FBH1: variants seen among roughly 807,000 people sequenced by gnomAD.
FBH1 encodes the protein DNA 3'-5' helicase 1.
Under a neutral mutation model 115.5 loss-of-function variants are expected in FBH1, and 43 were observed. The ratio of observed to expected loss-of-function variants is 0.37; its 90% CI spans 0.29 to 0.48. FBH1 has a LOEUF of 0.48. Among genes scored for constraint, FBH1 ranks in the 20% least tolerant of loss-of-function variants. FBH1 has a pLI of 0.99. For missense variants in FBH1, 1,001 were observed against 1,337.3 expected (o/e 0.75, Z 3.92); for synonymous variants, 524 against 507.8 (o/e 1.03, Z -0.43).
At chr10:5,912,442 G>A (rs1831655853) in intron 6 of FBH1, among the ~76,000 whole-genome samples, 1 of 151,460 alleles carries the variant, frequency 6.6e-6, no homozygotes, top group South Asian at 2.1e-4. Flanking sequence ...CTGGAGTGAT[G>A]GGGACAGGTA....
At position 5,895,044 on chromosome 10, in the gene FBH1, C is replaced by G; in HGVS notation, c.1+4698C>G. 6.2e-7 allele frequency: 1 copy of G among 1,608,324 alleles called. No individual in the cohort carries two copies. The highest frequency in any genetic ancestry group is 8.5e-7 in the Non-Finnish European group (1 of 1,176,420). On this transcript the variant is annotated intron_variant, in intron 1 of 20. Transcript: ENST00000362091. The surrounding 1 kb of genome is among the most constrained non-coding windows in gnomAD (Gnocchi z 5.0). ...AGTTAACTGTTGAAATTGGGCCATT[C>G]CCGTTTCACAGGCTGCCATTGGACC...
In FBH1 at chr10:5,904,222, A is replaced by G. The variant is rs1225793931; in HGVS notation, c.157+1047A>G. On this transcript the variant is annotated intron_variant, in intron 2 of 20. Coordinates refer to ENST00000362091, the MANE Select transcript of FBH1 (RefSeq NM_178150.3). ...AATTTTTGTATTTTTTTGTAGAGAC[A>G]GGGTTTTGCTACGTTGCCCAGGCTG... 4.6e-5 allele frequency among the ~76,000 whole-genome samples: 7 copies of G among 151,910 alleles called. No homozygotes were observed. In the East Asian group the frequency reaches 1.2e-3, roughly 25 times the overall value.
intron 1 of FBH1, among the ~76,000 whole-genome samples, chr10:5,893,570 C>T (rs77618029): frequency 0.036 from 5,418 of 152,252 alleles, 190 homozygotes; most frequent in East Asian, 0.15. Flanking sequence ...TGTTTCCTTC[C>T]GCCTTACTGA....
Position 5,913,774 on chromosome 10 carries a change from A to C in FBH1, c.1239A>C (p.Leu413=), listed in dbSNP as rs754564281. Residue 413 remains leucine (L), a synonymous_variant, in exon 7 of 21, where the codon CTA becomes CTC. Transcript: ENST00000362091. The surrounding 1 kb of genome is among the most constrained non-coding windows in gnomAD (Gnocchi z 4.4). ...NRIHYNIFYC[L]YLQENSCTQA... ...TTCACTACAACATTTTCTATTGCCT[A>C]TATCTTCAGGAGAATTCCTGCACTC... 8 of 1,578,214 alleles carry C rather than the reference A, an allele frequency of 5.1e-6. No homozygotes were observed. The highest frequency in any genetic ancestry group is 6.0e-6 in the Non-Finnish European group (7 of 1,170,524).
At position 5,918,211 on chromosome 10, in the gene FBH1, C is replaced by A; in HGVS notation, c.1964-131C>A. The A allele has an allele frequency of 9.7e-7, 1 of 1,029,132 alleles. No homozygotes were observed. The highest frequency in any genetic ancestry group is 1.5e-5 in the South Asian group (1 of 65,608). The allele number at this position is 1,029,132 out of a possible 1,614,324, so 63.8% of individuals were successfully genotyped here. A position where few individuals can be genotyped will look rare whatever the true frequency, so the allele number is the denominator to read the frequency against. ...GCTGCTTTTGATGGAGTGTGCCTGT[C>A]CTACAGGAAAAGGCGACCGTGAGGT... is the stretch of plus-strand genomic sequence containing the variant. On this transcript the variant is annotated intron_variant, in intron 12 of 20. Coordinates refer to ENST00000362091, the MANE Select transcript of FBH1 (RefSeq NM_178150.3). The surrounding 1 kb of genome is among the most constrained non-coding windows in gnomAD (Gnocchi z 4.0).
rs531678006 is a variant in FBH1, at chr10:5,924,089, G to T, written c.2399-222G>T. On this transcript the variant is annotated intron_variant, in intron 16 of 20. Transcript: ENST00000362091. This position sits in a 1 kb window ranked among gnomAD's most constrained non-coding sequence, Gnocchi z 6.2. The stretch of plus-strand genomic sequence containing the variant: ...TCCCTGTGAAGTAGGTGAGGATCTT[G>T]AGCCGAGGGCTTTGCTCCTCAGTCG... The T allele has an allele frequency of 4.2e-5, 25 of 592,270 alleles. No individual in the cohort carries two copies. Among genetic ancestry groups the T allele is most frequent in the Middle Eastern group, 4.5e-4 (1 of 2,204 alleles). The allele number at this position is 592,270 out of a possible 1,614,324, so 36.7% of individuals were successfully genotyped here. A position where few individuals can be genotyped will look rare whatever the true frequency, so the allele number is the denominator to read the frequency against.
rs1375236671 is a variant in FBH1 at position 5,925,160 on chromosome 10, C to G, written c.2597-207C>G. On this transcript the variant is annotated intron_variant, in intron 17 of 20. Coordinates refer to ENST00000362091, the MANE Select transcript of FBH1 (RefSeq NM_178150.3). The surrounding 1 kb of genome is among the most constrained non-coding windows in gnomAD (Gnocchi z 4.6). ...CGTTAACTCTCCTGCAACTAATTTT[C>G]GACTTTTCCCCTCGTCTTTTTCTTT... 1.7e-6 allele frequency: 1 copy of G among 586,584 alleles called. No homozygotes were observed. Among genetic ancestry groups the G allele is most frequent in the Non-Finnish European group, 2.9e-6 (1 of 343,856 alleles). The allele number at this position is 586,584 out of a possible 1,614,324, so 36.3% of individuals were successfully genotyped here.
chr10:5,921,723 C>G lies in FBH1; in HGVS notation c.2322+154C>G, dbSNP rs1832328823. Among the ~76,000 whole-genome samples, 1 of 152,148 alleles carries G rather than the reference C, an allele frequency of 6.6e-6. No homozygotes were observed. On this transcript the variant is annotated intron_variant, in intron 15 of 20. Transcript: ENST00000362091. The surrounding 1 kb of genome is among the most constrained non-coding windows in gnomAD (Gnocchi z 6.4). Reference sequence around the variant, plus strand: ...GGCTGCACCATGAGTGGTCTCTATCCCAGGCCATTCTGATTATGCCAGCGA... The same window carrying G: ...GGCTGCACCATGAGTGGTCTCTATCGCAGGCCATTCTGATTATGCCAGCGA...
At chr10:5,916,101 T>G in intron 9 of FBH1, 133 bp from the exon 10 acceptor site, 1 of 795,596 alleles carries the variant, frequency 1.3e-6, no homozygotes, top group East Asian at 2.6e-5. Flanking sequence ...ACTTTTTCGC[T>G]TTAAAACATT....
chr10:5,903,173 G>A lies in FBH1; in HGVS notation c.155G>A (p.Arg52Lys). Residue 52 changes from arginine to lysine, a missense_variant and splice_region_variant, in exon 2 of 21, where the codon AGG becomes AAG. Transcript: ENST00000362091. Reference sequence around the variant, plus strand: ...AAACCGAGAACAAAAAGAGGGAGTAGGGGTATGTCTCCTCTAAAACTCTTG... The same window carrying A: ...AAACCGAGAACAAAAAGAGGGAGTAAGGGTATGTCTCCTCTAAAACTCTTG... ...YPKPRTKRGSRGQGSQRCIPE... is the reference protein window; with the variant it reads ...YPKPRTKRGSKGQGSQRCIPE... 1.9e-6 allele frequency: 3 copies of A among 1,606,180 alleles called. No individual in the cohort carries two copies. Among genetic ancestry groups the A allele is most frequent in the Non-Finnish European group, 2.6e-6 (3 of 1,176,036 alleles).
chr10:5,906,042 G>A lies in FBH1; in HGVS notation c.163G>A (p.Gly55Arg). 1.2e-6 allele frequency: 2 copies of A among 1,606,418 alleles called. No individual in the cohort carries two copies. The highest frequency in any genetic ancestry group is 1.1e-5 in the South Asian group (1 of 90,922). ...TGTTTGGGTTCTCTCTACAGGTCAG[G>A]GAAGTCAAAGATGCATCCCTGAGTT... The part of the protein sequence containing the change: ...PRTKRGSRGQ[G>R]SQRCIPEFFL... The change falls in exon 3 of 21, where the codon GGA (glycine) becomes AGA (arginine). Residue 55 changes from glycine to arginine, a missense_variant. By Grantham distance (125) the Gly-to-Arg change is moderately radical. Transcript: ENST00000362091. This position sits in a 1 kb window ranked among gnomAD's most constrained non-coding sequence, Gnocchi z 7.3.
At position 5,895,167 on chromosome 10, in the gene FBH1, T is replaced by G. The variant is rs746215865; in HGVS notation, c.1+4821T>G. The G allele has an allele frequency of 5.0e-6, 8 of 1,613,644 alleles. No homozygotes were observed. The highest frequency in any genetic ancestry group is 6.8e-6 in the Non-Finnish European group (8 of 1,179,820). On this transcript the variant is annotated intron_variant, in intron 1 of 20. Coordinates refer to ENST00000362091, the MANE Select transcript of FBH1 (RefSeq NM_178150.3). This position sits in a 1 kb window ranked among gnomAD's most constrained non-coding sequence, Gnocchi z 5.0. The stretch of plus-strand genomic sequence containing the variant: ...CAGAGGACGAGTGCCCACTTGCTGG[T>G]CTTCACAGAGCACGCTGAAAGTAAG...
chr10:5,892,231 C>G (rs1015288310), intron 1 of FBH1, among the ~76,000 whole-genome samples: 1 of 152,156 alleles, frequency 6.6e-6, no homozygotes, highest in Non-Finnish European at 1.5e-5. Context: ...CACATGTAGT[C>G]GTCATTGGCA....
chr10:5,906,675 C>A lies in FBH1; in HGVS notation c.753+43C>A. 6.7e-7 allele frequency: 1 copy of A among 1,492,546 alleles called. No homozygotes were observed. The highest frequency in any genetic ancestry group is 9.1e-7 in the Non-Finnish European group (1 of 1,099,364). The allele number at this position is 1,492,546 out of a possible 1,614,324, so 92.5% of individuals were successfully genotyped here. A position where few individuals can be genotyped will look rare whatever the true frequency, so the allele number is the denominator to read the frequency against. On this transcript the variant is annotated intron_variant, in intron 3 of 20. Coordinates refer to ENST00000362091, the MANE Select transcript of FBH1 (RefSeq NM_178150.3). The surrounding 1 kb of genome is among the most constrained non-coding windows in gnomAD (Gnocchi z 7.3). ...TCGGGAGATGTTTCCTCTAAAAGCA[C>A]GTAACTTTGCTTAATGCACGCTTAT...
chr10:5,904,991 ACTT>A (rs1843609721), intron 2 of FBH1, among the ~76,000 whole-genome samples: 1 of 152,208 alleles, frequency 6.6e-6, no homozygotes, highest in African/African-American at 2.4e-5. Flanking sequence ...TAAAGTGTTT[ACTT>A]CTTTGGCATT....
In FBH1 at chr10:5,911,798, T is replaced by G. The variant is rs1466985406; in HGVS notation, c.1211+670T>G. Among the ~76,000 whole-genome samples the G allele has an allele frequency of 6.6e-6, 1 of 152,092 alleles. No individual in the cohort carries two copies. Among genetic ancestry groups the G allele is most frequent in the African/African-American group, 2.4e-5 (1 of 41,406 alleles). On this transcript the variant is annotated intron_variant, in intron 6 of 20. Transcript: ENST00000362091. The surrounding 1 kb of genome is among the most constrained non-coding windows in gnomAD (Gnocchi z 5.4). ...TTGCAGAGAAAATAGAACAGAGAGCTGTGGGGTGAATGCTGCTTTAGAGGG... is the reference window on the plus strand; with the variant it reads ...TTGCAGAGAAAATAGAACAGAGAGCGGTGGGGTGAATGCTGCTTTAGAGGG...
Position 5,918,326 on chromosome 10 carries a change from C to T in FBH1, c.1964-16C>T, listed in dbSNP as rs1239955736. Reference sequence around the variant, plus strand: ...GAGGCCTCAAGGTTTCTCACTTTTCCTCTCGTTGGTTACAGCTATCATGAA... The same window carrying T: ...GAGGCCTCAAGGTTTCTCACTTTTCTTCTCGTTGGTTACAGCTATCATGAA... On this transcript the variant is annotated splice_polypyrimidine_tract_variant and intron_variant, in intron 12 of 20. Coordinates refer to ENST00000362091, the MANE Select transcript of FBH1 (RefSeq NM_178150.3). The surrounding 1 kb of genome is among the most constrained non-coding windows in gnomAD (Gnocchi z 4.0). 8 of 1,605,594 alleles carry T rather than the reference C, an allele frequency of 5.0e-6. No individual in the cohort carries two copies. The East Asian group carries it at 1.6e-4, about 31-fold the overall frequency.
Position 5,923,772 on chromosome 10 carries a change from C to A in FBH1, c.2398+76C>A. The stretch of plus-strand genomic sequence containing the variant: ...GGGACGAGAAAGAAGCAGGCCCAGT[C>A]TGAGTCAGGGACCCGTTTCCCTCCA... On this transcript the variant is annotated intron_variant, in intron 16 of 20. Transcript: ENST00000362091. The surrounding 1 kb of genome is among the most constrained non-coding windows in gnomAD (Gnocchi z 5.7). 7.3e-7 allele frequency: 1 copy of A among 1,364,572 alleles called. No homozygotes were observed. The highest frequency in any genetic ancestry group is 1.0e-6 in the Non-Finnish European group (1 of 965,098). The allele number at this position is 1,364,572 out of a possible 1,614,324, so 84.5% of individuals were successfully genotyped here.
Position 5,916,004 on chromosome 10 carries a change from G to C in FBH1, c.1566-230G>C, listed in dbSNP as rs558306657. Reference sequence around the variant, plus strand: ...TGGAGCCCAGCTTCATGGTGGAATAGCAGTGTCTGCCGAAAGCTGGTTCCT... The same window carrying C: ...TGGAGCCCAGCTTCATGGTGGAATACCAGTGTCTGCCGAAAGCTGGTTCCT... On this transcript the variant is annotated intron_variant, in intron 9 of 20. Coordinates refer to ENST00000362091, the MANE Select transcript of FBH1 (RefSeq NM_178150.3). 103 of 550,716 alleles carry C rather than the reference G, an allele frequency of 1.9e-4. 1 individual carries two copies. The South Asian group carries it at 2.1e-3, about 11-fold the overall frequency. The allele number at this position is 550,716 out of a possible 1,614,324, so 34.1% of individuals were successfully genotyped here.
Sources: allele counts gnomAD v4.1 joint callset (sites outside exome capture counted in the v4.1 genomes callset), GRCh38; gene constraint gnomAD v4.1.1; non-coding constraint Gnocchi (gnomAD v3.1); transcripts MANE v1.5; gene names NCBI Gene and HGNC (gene_info 2026-07-23, HGNC 2026-07-21).